Variants in ACSM1 observed in about 807,000 individuals in gnomAD.
ACSM1 encodes acyl-coenzyme A synthetase ACSM1, mitochondrial.
A neutral mutation model predicts 75.8 loss-of-function variants in ACSM1; 79 were observed. That is an observed-to-expected ratio of 1.04 (90% CI 0.87 to 1.26). The LOEUF (loss-of-function observed/expected upper bound fraction) is 1.26. Among genes scored for constraint, ACSM1 ranks in the 50% most tolerant of loss-of-function variants. ACSM1 has a pLI of 0.00. For missense variants in ACSM1, 676 were observed against 720.1 expected (o/e 0.94, Z 0.70); for synonymous variants, 279 against 265.8 (o/e 1.05, Z -0.48).
At chr16:20,675,169 G>C (rs2020196162) in intron 4 of ACSM1, among the ~76,000 whole-genome samples, 1 of 152,126 alleles carries the variant, frequency 6.6e-6, no homozygotes, top group Non-Finnish European at 1.5e-5. Context: ...AGTGGTGTGT[G>C]TATGTGTGTG....
chr16:20,666,596 T>C (rs2019577773), intron 6 of ACSM1, among the ~76,000 whole-genome samples: 1 of 152,152 alleles, frequency 6.6e-6, no homozygotes, highest in African/African-American at 2.4e-5. Flanking sequence ...AAAATACCAA[T>C]GTCATTTTTC....
At chr16:20,691,548 C>A (rs1387585884) in intron 1 of ACSM1, among the ~76,000 whole-genome samples, 1 of 152,106 alleles carries the variant, frequency 6.6e-6, no homozygotes, top group African/African-American at 2.4e-5. Flanking sequence ...GGTAGAGCAA[C>A]TCGCCTTTTG....
At chr16:20,662,671 C>A (rs1214325008) in intron 6 of ACSM1, among the ~76,000 whole-genome samples, 1 of 152,148 alleles carries the variant, frequency 6.6e-6, no homozygotes, top group African/African-American at 2.4e-5. Context: ...CATTTAGAAT[C>A]ATGATGAAAT....
chr16:20,627,135 T>C (rs1388762241), intron 11 of ACSM1, 54 bp downstream of exon 11: 3 of 1,474,008 alleles, frequency 2.0e-6, no homozygotes, highest in African/African-American at 2.9e-5. Flanking sequence ...GTAAGCAAAA[T>C]TCCGTGAGGC....
intron 13 of ACSM1, among the ~76,000 whole-genome samples, chr16:20,623,843 C>T (rs1377550014): frequency 6.6e-6 from 1 of 152,242 alleles, no homozygotes. Context: ...ACTGACCACC[C>T]TCTCCTTCAT....
chr16:20,656,344 T>C (rs1039445045), intron 7 of ACSM1, among the ~76,000 whole-genome samples: 1 of 152,138 alleles, frequency 6.6e-6, no homozygotes, highest in Admixed American at 6.5e-5. Context: ...TTAATTTACA[T>C]AACCTTGATA....
At chr16:20,697,556 TACACACACACACAC>T (rs57633278) in intron 1 of ACSM1, 66 bp downstream of exon 1, 10,711 of 139,604 alleles carry the variant, frequency 0.077, 520 homozygotes, top group Admixed American at 0.12. Context: ...AAAATTGGAT[TACACACACACACAC>T]ACACACACAC....
At position 20,625,585 on chromosome 16, in the gene ACSM1, C is replaced by T. The variant is rs2152179824; in HGVS notation, c.1428-63G>A. On this transcript the variant is annotated intron_variant, in intron 11 of 13. Transcript: ENST00000520010. ...GGGGTGAACCAAGTCCCCAGATCTC[C>T]TGCTTTGGAGTCACAGCTTCCTTTG... The T allele has an allele frequency of 1.3e-5, 19 of 1,472,028 alleles. No homozygotes were observed. In the South Asian group the frequency reaches 2.3e-4, roughly 18 times the overall value. 91.2% of individuals were successfully genotyped at this position (1,472,028 alleles called of 1,614,324 possible). A position where few individuals can be genotyped will look rare whatever the true frequency, so the allele number is the denominator to read the frequency against.
chr16:20,672,243 G>A (rs1055498572), intron 4 of ACSM1, among the ~76,000 whole-genome samples: 3 of 151,006 alleles, frequency 2.0e-5, no homozygotes, highest in Non-Finnish European at 2.9e-5. Flanking sequence ...CTGTGACCTT[G>A]GTGATGAGGG....
intron 6 of ACSM1, among the ~76,000 whole-genome samples, chr16:20,666,896 T>C (rs2019597046): frequency 6.6e-6 from 1 of 152,190 alleles, no homozygotes; most frequent in African/African-American, 2.4e-5. Context: ...TAGCCATATG[T>C]AGCAGAATAA....
intron 10 of ACSM1, among the ~76,000 whole-genome samples, chr16:20,632,167 A>C (rs2017389040): frequency 6.6e-6 from 1 of 152,176 alleles, no homozygotes; most frequent in Admixed American, 6.5e-5. Flanking sequence ...AAAACCTTAC[A>C]CTTTAGGGAA....
At chr16:20,666,276 A>C (rs1233544972) in intron 6 of ACSM1, among the ~76,000 whole-genome samples, 5 of 152,214 alleles carry the variant, frequency 3.3e-5, no homozygotes, top group Admixed American at 1.3e-4. Flanking sequence ...AAACAACTTC[A>C]GTAAAGTTCC....
chr16:20,685,317 G>A lies in ACSM1; in HGVS notation c.279C>T (p.Asp93=). 5.0e-6 allele frequency: 8 copies of A among 1,614,142 alleles called. No individual in the cohort carries two copies. Among genetic ancestry groups the A allele is most frequent in the African/African-American group, 1.3e-5 (1 of 75,014 alleles). The change falls in exon 3 of 14, where the codon GAC becomes GAT. Residue 93 remains aspartate, a synonymous_variant. Transcript: ENST00000520010. ...AGACGTTGGCTACACGGCGGGTTAG[G>A]TCTCCCATCTCTCTGAAGCTCCACT... The part of the protein sequence containing the change: ...EVKWSFREMG[D]LTRRVANVFT...
chr16:20,679,168 C>T (rs549729754), intron 4 of ACSM1: 1 of 152,346 alleles, frequency 6.6e-6, no homozygotes, highest in South Asian at 2.1e-4. Context: ...TTGCAGGTGT[C>T]ACACCTTGGA....
intron 4 of ACSM1, among the ~76,000 whole-genome samples, chr16:20,675,503 T>C (rs950267766): frequency 6.6e-6 from 1 of 152,070 alleles, no homozygotes; most frequent in African/African-American, 2.4e-5. Flanking sequence ...CTGGTGGACC[T>C]TAGAGTGAAA....
intron 4 of ACSM1, among the ~76,000 whole-genome samples, chr16:20,673,510 C>T (rs1011966340): frequency 6.6e-6 from 1 of 152,086 alleles, no homozygotes; most frequent in African/African-American, 2.4e-5. Context: ...AGTATTACTC[C>T]AAGAAAACAA....
At chr16:20,665,297 G>A (rs903132656) in intron 6 of ACSM1, among the ~76,000 whole-genome samples, 3 of 151,926 alleles carry the variant, frequency 2.0e-5, no homozygotes, top group Non-Finnish European at 4.4e-5. Context: ...AAGCCCAATC[G>A]GAAATGACAT....
At chr16:20,642,428 C>T (rs563099411) in intron 7 of ACSM1, among the ~76,000 whole-genome samples, 44 of 152,318 alleles carry the variant, frequency 2.9e-4, no homozygotes, top group South Asian at 6.2e-4. Flanking sequence ...ACTTACTGCT[C>T]CTGTAGTTGC....
intron 3 of ACSM1, 117 bp from the exon 4 acceptor site, chr16:20,682,580 GAAC>G (rs1054478279): frequency 1.4e-6 from 1 of 714,670 alleles, no homozygotes; most frequent in Non-Finnish European, 2.4e-6. Flanking sequence ...ACAGGCCACA[GAAC>G]AACAGCAGCA....
Sources: gnomAD v4.1 joint callset for allele counts (sites outside exome capture counted in the v4.1 genomes callset) on GRCh38, gnomAD v4.1.1 for gene constraint, MANE v1.5 for transcripts, NCBI Gene and HGNC (gene_info 2026-07-23, HGNC 2026-07-21) for gene names.